ENTPD5: variants seen among roughly 807,000 people sequenced by gnomAD.
The protein encoded by ENTPD5 is ectonucleoside triphosphate diphosphohydrolase 5 (inactive), also known as nucleoside diphosphate phosphatase ENTPD5.
Under a neutral mutation model 60.2 loss-of-function variants are expected in ENTPD5, and 49 were observed. That is an observed-to-expected ratio of 0.81 (90% confidence interval 0.65 to 1.03). The LOEUF (loss-of-function observed/expected upper bound fraction) is 1.03, where lower values mean the gene tolerates loss of function less well. Among genes scored for constraint, ENTPD5 ranks in the 50% least tolerant of loss-of-function variants. The probability of loss-of-function intolerance (pLI) is 0.00; values close to 1 mark genes in which losing one functional copy is unlikely to be tolerated. For synonymous variants in ENTPD5, 187 were observed against 185.4 expected, an observed-to-expected ratio of 1.01 and a Z score of -0.07; for missense variants, 480 against 507.6, an observed-to-expected ratio of 0.95 and a Z score of 0.52.
intron 3 of ENTPD5, among the ~76,000 whole-genome samples, chr14:74,007,334 A>C (rs943160322): frequency 2.0e-5 from 3 of 152,116 alleles, no homozygotes; most frequent in Non-Finnish European, 2.9e-5. Context: ...ATCCTGGCTA[A>C]CACGGTGAAA....
At chr14:73,973,053 G>A (rs2057296449) in intron 12 of ENTPD5, 29 bp from the exon 13 acceptor site, 4 of 1,612,698 alleles carry the variant, frequency 2.5e-6, no homozygotes, top group Non-Finnish European at 3.4e-6. Context: ...CAGGGGTAAG[G>A]TGAGAACGAC....
intron 3 of ENTPD5, among the ~76,000 whole-genome samples, chr14:73,999,800 A>C (rs1210329504): frequency 6.8e-6 from 1 of 147,124 alleles, no homozygotes; most frequent in East Asian, 2.0e-4. Flanking sequence ...TCAAAAAAAA[A>C]GGTAAAGGGC....
intron 3 of ENTPD5, among the ~76,000 whole-genome samples, chr14:73,993,982 A>C (rs1368948103): frequency 6.6e-6 from 1 of 152,114 alleles, no homozygotes; most frequent in African/African-American, 2.4e-5. Context: ...GTGTAAAACC[A>C]AACAATAGAT....
chr14:73,959,916 C>G (rs1213741668), downstream of ENTPD5: 28 of 1,175,288 alleles, frequency 2.4e-5, no homozygotes, highest in Non-Finnish European at 2.9e-5. Context: ...AGTCAGCTGT[C>G]CCTTTCTACT....
At chr14:74,011,274 A>G (rs984718945) in intron 2 of ENTPD5, 124 bp from the exon 3 acceptor site, 1 of 164,848 alleles carries the variant, frequency 6.1e-6, no homozygotes, top group African/African-American at 2.4e-5. Flanking sequence ...AGGCTTTGGA[A>G]CCCAGATCAC....
chr14:74,015,617 T>A (rs2058995458), intron 2 of ENTPD5, among the ~76,000 whole-genome samples: 1 of 152,016 alleles, frequency 6.6e-6, no homozygotes, highest in Admixed American at 6.6e-5. Context: ...CCTCCCAAAG[T>A]GTTAGGATTA....
At chr14:73,981,287 C>G (rs908385804) in intron 6 of ENTPD5, among the ~76,000 whole-genome samples, 3 of 150,584 alleles carry the variant, frequency 2.0e-5, no homozygotes, top group Non-Finnish European at 4.4e-5. Flanking sequence ...GAGTTTGAGG[C>G]CAGGAGTTTG....
intron 1 of ENTPD5, among the ~76,000 whole-genome samples, chr14:74,017,578 CAA>C (rs1188373135): frequency 4.4e-4 from 41 of 93,358 alleles, no homozygotes; most frequent in Admixed American, 5.9e-4. Flanking sequence ...AACTCTGTCT[CAA>C]AAAAAAAAAA....
chr14:74,004,789 G>A lies in ENTPD5; in HGVS notation c.-71+6302C>T, dbSNP rs191911835. On this transcript the variant is annotated intron_variant, in intron 3 of 15. Coordinates refer to ENST00000334696, the MANE Select transcript of ENTPD5 (RefSeq NM_001249.5). ...AAGCAGTAATGTCTTTTATGACTTT[G>A]TTTTGGAAGTCATACACTATCATAT... is the stretch of plus-strand genomic sequence containing the variant. Among the ~76,000 whole-genome samples, 210 of 152,216 alleles carry A rather than the reference G, an allele frequency of 1.4e-3. 1 individual carries two copies. The highest frequency in any genetic ancestry group is 4.8e-3 in the African/African-American group (200 of 41,538).
At chr14:73,975,898 C>T in intron 10 of ENTPD5, 38 bp downstream of exon 10, 2 of 1,468,592 alleles carry the variant, frequency 1.4e-6, no homozygotes, top group Non-Finnish European at 1.9e-6. Context: ...GAGAATCATA[C>T]AACATGAAAT....
At chr14:73,987,830 A>C in intron 4 of ENTPD5, 56 bp downstream of exon 4, 16 of 1,491,956 alleles carry the variant, frequency 1.1e-5, no homozygotes, top group Non-Finnish European at 1.4e-5. Flanking sequence ...TGTTTCTGGG[A>C]GGAGATGCTA....
rs748860067 is a variant in ENTPD5, at chr14:73,974,005, G to A, written c.785-27C>T. 3.2e-5 allele frequency: 51 copies of A among 1,601,434 alleles called. No homozygotes were observed. In the Middle Eastern group the frequency reaches 8.3e-4, roughly 26 times the overall value. ...TGAAAGAATCCAGGGCACAAGGTAA[G>A]AGGTAAGTAAGTGAGAGAGAGGGAG... On this transcript the variant is annotated intron_variant, in intron 11 of 15. Coordinates refer to ENST00000334696, the MANE Select transcript of ENTPD5 (RefSeq NM_001249.5).
intron 6 of ENTPD5, among the ~76,000 whole-genome samples, chr14:73,979,664 G>T (rs562616673): frequency 1.3e-5 from 2 of 152,074 alleles, no homozygotes; most frequent in South Asian, 4.2e-4. Context: ...GTAGAGACGG[G>T]GTTTCACCGT....
At chr14:73,994,117 T>C (rs894155320) in intron 3 of ENTPD5, among the ~76,000 whole-genome samples, 1 of 151,988 alleles carries the variant, frequency 6.6e-6, no homozygotes, top group Non-Finnish European at 1.5e-5. Context: ...CATTGTCTTA[T>C]TTTTTTAAAC....
intron 3 of ENTPD5, among the ~76,000 whole-genome samples, chr14:73,988,383 T>C (rs1463872123): frequency 6.6e-6 from 1 of 152,172 alleles, no homozygotes; most frequent in East Asian, 1.9e-4. Flanking sequence ...TATTTTCCCA[T>C]GCTTTGGTTT....
At chr14:73,978,475 C>T (rs1213914596) in intron 6 of ENTPD5, among the ~76,000 whole-genome samples, 1 of 151,970 alleles carries the variant, frequency 6.6e-6, no homozygotes, top group Non-Finnish European at 1.5e-5. Context: ...GTGGTGGGCA[C>T]CTGTAATCCC....
Position 73,988,011 on chromosome 14 carries a change from TCAAACCAA to T in ENTPD5, c.84_91del (p.Trp29GlyfsTer23). The T allele has an allele frequency of 6.2e-7, 1 of 1,614,150 alleles. No individual in the cohort carries two copies. The highest frequency in any genetic ancestry group is 8.5e-7 in the Non-Finnish European group (1 of 1,180,038). ...GCACATGGAAGACAGGAAGATACCC[TCAAACCAA>T]GTCTGCTGGTTCCTGTGGGAGACAG... On this transcript the variant is annotated frameshift_variant, in exon 4 of 16. Transcript: ENST00000334696. LOFTEE classifies it high-confidence loss of function.
At chr14:73,970,954 T>C (rs2057197547) in intron 14 of ENTPD5, among the ~76,000 whole-genome samples, 1 of 151,898 alleles carries the variant, frequency 6.6e-6, no homozygotes, top group Admixed American at 6.6e-5. Context: ...GCCTCCCAAG[T>C]AGCTGAGACT....
chr14:73,959,318 C>G (rs1192332074), downstream of ENTPD5: 18 of 1,613,956 alleles, frequency 1.1e-5, no homozygotes. Flanking sequence ...GGAATCTGCC[C>G]AGGCTGTTTG....
Sources: allele counts gnomAD v4.1 joint callset (sites outside exome capture counted in the v4.1 genomes callset), GRCh38; gene constraint gnomAD v4.1.1; transcripts MANE v1.5; gene names NCBI Gene and HGNC (gene_info 2026-07-23, HGNC 2026-07-21).